Variants in CROCC2 observed in about 807,000 individuals in gnomAD.
CROCC2 encodes ciliary rootlet coiled-coil protein 2.
In CROCC2, 163 loss-of-function variants were observed where a neutral mutation model predicts 177.6. The observed-to-expected ratio is 0.92, with a 90% CI of 0.81 to 1.05. The LOEUF is 1.05. Ranked by LOEUF, CROCC2 falls within the 50% of genes least tolerant of loss-of-function variation. CROCC2 has a pLI of 0.00. For missense variants in CROCC2, 1,929 were observed against 1,797.8 expected (o/e 1.07, Z -1.32); for synonymous variants, 904 against 787.3 (o/e 1.15, Z -2.48).
At chr2:240,938,207 A>G (rs189670079) in intron 14 of CROCC2, among the ~76,000 whole-genome samples, 2 of 152,348 alleles carry the variant, frequency 1.3e-5, no homozygotes, top group Admixed American at 1.3e-4. Context: ...GATTTTAATT[A>G]GCCCTCCTTG....
chr2:240,947,460 C>T (rs2059530320), intron 15 of CROCC2, among the ~76,000 whole-genome samples: 1 of 152,182 alleles, frequency 6.6e-6, no homozygotes, highest in African/African-American at 2.4e-5. Context: ...CCTGCAGGCC[C>T]CAGCATCACA....
intron 20 of CROCC2, among the ~76,000 whole-genome samples, chr2:240,962,922 C>T (rs191251402): frequency 6.6e-6 from 1 of 152,192 alleles, no homozygotes; most frequent in South Asian, 2.1e-4. Flanking sequence ...GCCTGGTGTC[C>T]GGAGCGGGAA....
chr2:240,911,009 T>C (rs2059284334), intron 1 of CROCC2, among the ~76,000 whole-genome samples: 1 of 151,894 alleles, frequency 6.6e-6, no homozygotes, highest in Non-Finnish European at 1.5e-5. Context: ...CAGGCGCCTG[T>C]AATCCCAGCT....
chr2:240,964,643 G>C lies in CROCC2; in HGVS notation c.3465+18G>C. Reference sequence around the variant, plus strand: ...ACAGACAGGTAGGGCGGCAGGGAGGGGTCAACATCCAACCAGGCACCCTCC... The same window carrying C: ...ACAGACAGGTAGGGCGGCAGGGAGGCGTCAACATCCAACCAGGCACCCTCC... On this transcript the variant is annotated intron_variant, in intron 22 of 31. Transcript: ENST00000690015. 7 of 1,545,208 alleles carry C rather than the reference G, an allele frequency of 4.5e-6. 1 individual carries two copies. Among genetic ancestry groups the C allele is most frequent in the Non-Finnish European group, 6.1e-6 (7 of 1,143,736 alleles).
intron 14 of CROCC2, 94 bp downstream of exon 14, chr2:240,935,682 G>A: frequency 1.1e-6 from 1 of 927,218 alleles, no homozygotes; most frequent in Non-Finnish European, 1.5e-6. Flanking sequence ...GCAGGCTCAG[G>A]ATGCCCACAT....
rs554997542 is a variant in CROCC2 at position 240,993,131 on chromosome 2, G to A, written c.*50G>A. 6.4e-5 allele frequency: 46 copies of A among 713,328 alleles called. No homozygotes were observed. In the African/African-American group the frequency reaches 7.3e-4, roughly 11 times the overall value. 44.2% of individuals were successfully genotyped at this position (713,328 alleles called of 1,614,324 possible). The stretch of plus-strand genomic sequence containing the variant: ...CAGCGTGGCTGCAGAGGAAGGGAAC[G>A]CACCGCAGGTGGGAGGGGCCCAGCT... On this transcript the variant is annotated 3_prime_UTR_variant, in exon 32 of 32. Coordinates refer to ENST00000690015, the MANE Select transcript of CROCC2 (RefSeq NM_001351305.2).
Position 240,965,286 on chromosome 2 carries a change from T to C in CROCC2, c.3466-95T>C, listed in dbSNP as rs1016392230. 6.2e-5 allele frequency: 93 copies of C among 1,502,082 alleles called. No individual in the cohort carries two copies. The Middle Eastern group carries it at 6.8e-4, about 11-fold the overall frequency. 93.0% of individuals were successfully genotyped at this position (1,502,082 alleles called of 1,614,324 possible). A position where few individuals can be genotyped will look rare whatever the true frequency, so the allele number is the denominator to read the frequency against. ...CCTCCCTAAGTGTGGCCAGCTGCCC[T>C]CAAGGGACGTGTGAGCGGAGGCAGG... On this transcript the variant is annotated intron_variant, in intron 22 of 31. Transcript: ENST00000690015.
At chr2:240,963,215 A>T (rs1372552208) in intron 20 of CROCC2, 1 of 302,694 alleles carries the variant, frequency 3.3e-6, no homozygotes, top group East Asian at 5.5e-5. Flanking sequence ...CCAGGCAGTG[A>T]CAGTGCAGAC....
At chr2:240,971,022 G>A (rs1026108258) in intron 27 of CROCC2, among the ~76,000 whole-genome samples, 27 of 152,176 alleles carry the variant, frequency 1.8e-4, no homozygotes, top group Non-Finnish European at 2.9e-4. Flanking sequence ...AGCTCTTTGC[G>A]TTGTCGGGCT....
intron 14 of CROCC2, among the ~76,000 whole-genome samples, chr2:240,945,844 C>T (rs1054094997): frequency 1.3e-5 from 2 of 152,132 alleles, no homozygotes; most frequent in Admixed American, 1.3e-4. Flanking sequence ...CAGTTCAATA[C>T]CATCTCCATC....
At chr2:240,991,874 G>T (rs1416220911) in intron 31 of CROCC2, among the ~76,000 whole-genome samples, 1 of 152,202 alleles carries the variant, frequency 6.6e-6, no homozygotes, top group East Asian at 1.9e-4. Flanking sequence ...ATAATGTCCT[G>T]CAAGGCCAGC....
intron 1 of CROCC2, among the ~76,000 whole-genome samples, chr2:240,907,818 C>T (rs1256150291): frequency 1.9e-5 from 2 of 104,950 alleles, no homozygotes; most frequent in Non-Finnish European, 3.8e-5. Context: ...TCCTCCACCT[C>T]GGGTGACCTC....
chr2:240,950,339 C>T lies in CROCC2; in HGVS notation c.2658C>T (p.Thr886=). ...ATCCCTTTACCTTGGCCCAGGAGAC[C>T]CTGAGCCTGACCCTGGCAGAGGAGA... ...ALAQLQREKE[T]LSLTLAEEKE... Residue 886 remains threonine, a synonymous_variant, in exon 18 of 32, where the codon ACC becomes ACT. Coordinates refer to ENST00000690015, the MANE Select transcript of CROCC2 (RefSeq NM_001351305.2). 3 of 1,549,626 alleles carry T rather than the reference C, an allele frequency of 1.9e-6. No homozygotes were observed. Among genetic ancestry groups the T allele is most frequent in the South Asian group, 1.2e-5 (1 of 83,996 alleles).
At position 240,931,106 on chromosome 2, in the gene CROCC2, G is replaced by A. The variant is rs1407234430; in HGVS notation, c.925G>A (p.Glu309Lys). ...MLQLQGRWDA[E>K]KVALQARLSE... ...GCAGCTGCAGGGCCGCTGGGACGCAGAGAAGGTGGCGCTCCAGGCCAGGTG... is the reference window on the plus strand; with the variant it reads ...GCAGCTGCAGGGCCGCTGGGACGCAAAGAAGGTGGCGCTCCAGGCCAGGTG... Residue 309 changes from glutamate (E) to lysine (K), a missense_variant, in exon 7 of 32, where the codon GAG becomes AAG. By Grantham distance (56) the Glu-to-Lys change is moderately conservative (BLOSUM62 1). Transcript: ENST00000690015. 4.2e-6 allele frequency: 3 copies of A among 714,554 alleles called. No individual in the cohort carries two copies. In the East Asian group the frequency reaches 8.1e-5, roughly 19 times the overall value. The allele number at this position is 714,554 out of a possible 1,614,324, so 44.3% of individuals were successfully genotyped here. A position where few individuals can be genotyped will look rare whatever the true frequency, so the allele number is the denominator to read the frequency against.
At chr2:240,979,653 C>A (rs1275266025) in intron 27 of CROCC2, among the ~76,000 whole-genome samples, 253 of 52,892 alleles carry the variant, frequency 4.8e-3, no homozygotes, top group South Asian at 7.1e-3. Context: ...AGGCTCATCC[C>A]TGCTCAGTCT....
In CROCC2 at chr2:240,960,947, G is replaced by A. The variant is rs1053726326; in HGVS notation, c.3087+1503G>A. Among the ~76,000 whole-genome samples, 90 of 150,954 alleles carry A rather than the reference G, an allele frequency of 6.0e-4. No individual in the cohort carries two copies. Among genetic ancestry groups the A allele is most frequent in the Non-Finnish European group, 1.1e-3 (75 of 67,776 alleles). ...AGGGGGAGGGGGAGGTGTGGAGAGG[G>A]TGGGGGTGCATTGGTTCTGCTGGCC... On this transcript the variant is annotated intron_variant, in intron 20 of 31. Coordinates refer to ENST00000690015, the MANE Select transcript of CROCC2 (RefSeq NM_001351305.2). This position sits in a 1 kb window ranked among gnomAD's most constrained non-coding sequence, Gnocchi z 5.0.
intron 8 of CROCC2, 70 bp from the exon 9 acceptor site, chr2:240,932,632 T>G: frequency 2.8e-6 from 2 of 716,412 alleles, no homozygotes; most frequent in Non-Finnish European, 5.2e-6. Flanking sequence ...CAGGACTGTC[T>G]GCGCGGTCCC....
Position 240,973,250 on chromosome 2 carries a change from C to T in CROCC2, c.4401+4988C>T, listed in dbSNP as rs190986572. On this transcript the variant is annotated intron_variant, in intron 27 of 31. Transcript: ENST00000690015. This position sits in a 1 kb window ranked among gnomAD's most constrained non-coding sequence, Gnocchi z 4.7. ...GATTCTTGTTTGAGAGCAAATCCCTCCCCGTTTCCAAGGCTACCCTGGGAA... is the reference window on the plus strand; with the variant it reads ...GATTCTTGTTTGAGAGCAAATCCCTTCCCGTTTCCAAGGCTACCCTGGGAA... Among the ~76,000 whole-genome samples the T allele has an allele frequency of 2.0e-3, 311 of 152,350 alleles. No individual in the cohort carries two copies. Among genetic ancestry groups the T allele is most frequent in the Admixed American group, 5.7e-3 (88 of 15,306 alleles).
At chr2:240,907,776 C>T (rs1445586929) in intron 1 of CROCC2, among the ~76,000 whole-genome samples, 6 of 144,698 alleles carry the variant, frequency 4.1e-5, no homozygotes, top group Non-Finnish European at 6.1e-5. Context: ...CTGGCGTGAG[C>T]TCTACCTCCT....
Sources: gnomAD v4.1 joint callset for allele counts (sites outside exome capture counted in the v4.1 genomes callset) on GRCh38, gnomAD v4.1.1 for gene constraint, Gnocchi (gnomAD v3.1) non-coding constraint, MANE v1.5 for transcripts, NCBI Gene and HGNC (gene_info 2026-07-23, HGNC 2026-07-21) for gene names.